MCC: variants seen among roughly 807,000 people sequenced by gnomAD.
MCC encodes MCC regulator of Wnt signaling pathway.
MCC carries 90 observed loss-of-function variants against 116.2 expected under a neutral mutation model. The ratio of observed to expected loss-of-function variants is 0.77; its 90% CI spans 0.65 to 0.92. MCC has a LOEUF of 0.92. MCC is among the 40% of genes least tolerant of loss of function. The pLI is 0.00. For missense variants in MCC, 1,516 were observed against 1,312.2 expected (o/e 1.16, Z -2.40); for synonymous variants, 578 against 510.5 (o/e 1.13, Z -1.78).
chr5:113,297,205 C>G (rs1410261483), intron 3 of MCC, among the ~76,000 whole-genome samples: 2 of 152,118 alleles, frequency 1.3e-5, no homozygotes, highest in African/African-American at 4.8e-5. Flanking sequence ...TTAAAAGGGC[C>G]TGAATTAAGA....
chr5:113,232,165 A>C (rs1375318041), intron 3 of MCC, among the ~76,000 whole-genome samples: 1 of 152,218 alleles, frequency 6.6e-6, no homozygotes, highest in South Asian at 2.1e-4. Context: ...GAATTTTCTA[A>C]ACTCCAGGGG....
At chr5:113,057,946 C>T (rs1412421145) in intron 14 of MCC, among the ~76,000 whole-genome samples, 1 of 152,256 alleles carries the variant, frequency 6.6e-6, no homozygotes, top group Non-Finnish European at 1.5e-5. Flanking sequence ...GACAGCAGCA[C>T]TTCTCTTCCA....
chr5:113,245,144 C>A (rs1339719318), intron 3 of MCC, among the ~76,000 whole-genome samples: 1 of 152,016 alleles, frequency 6.6e-6, no homozygotes, highest in Non-Finnish European at 1.5e-5. Flanking sequence ...ATAAAATTAG[C>A]CGGGCGTGGT....
chr5:113,480,887 T>TC (rs1427260964), intron 1 of MCC, among the ~76,000 whole-genome samples: 1 of 152,116 alleles, frequency 6.6e-6, no homozygotes, highest in Non-Finnish European at 1.5e-5. Flanking sequence ...TGATCCTCCC[T>TC]CCTCAGCCTC....
At chr5:113,212,116 G>C (rs1357553411) in intron 3 of MCC, among the ~76,000 whole-genome samples, 1 of 152,068 alleles carries the variant, frequency 6.6e-6, no homozygotes, top group Non-Finnish European at 1.5e-5. Context: ...AAAACTAATG[G>C]CTGTTTGATA....
chr5:113,328,864 T>A (rs1042193381), intron 3 of MCC, among the ~76,000 whole-genome samples: 1 of 152,166 alleles, frequency 6.6e-6, no homozygotes, highest in Non-Finnish European at 1.5e-5. Context: ...CAGGAACCCA[T>A]GTCCAGTTCA....
At chr5:113,447,868 A>G (rs1052052522) in intron 1 of MCC, among the ~76,000 whole-genome samples, 1 of 151,816 alleles carries the variant, frequency 6.6e-6, no homozygotes, top group East Asian at 1.9e-4. Flanking sequence ...GAGCATTTTG[A>G]GACAAAGGTC....
chr5:113,086,272 C>A (rs1199731624), intron 8 of MCC, among the ~76,000 whole-genome samples: 2 of 151,112 alleles, frequency 1.3e-5, no homozygotes, highest in African/African-American at 4.9e-5. Flanking sequence ...TAAAGGAGAA[C>A]AAGTGAGGAG....
intron 6 of MCC, among the ~76,000 whole-genome samples, chr5:113,122,027 A>G (rs981116755): frequency 6.6e-6 from 1 of 152,232 alleles, no homozygotes; most frequent in African/African-American, 2.4e-5. Flanking sequence ...CAAGAAACAA[A>G]TTTCATGAAA....
intron 3 of MCC, among the ~76,000 whole-genome samples, chr5:113,304,169 C>G (rs961021897): frequency 6.6e-6 from 1 of 152,112 alleles, no homozygotes; most frequent in Admixed American, 6.5e-5. Context: ...GAAGTCTGTC[C>G]CATCATGGCC....
At chr5:113,105,824 ACTGT>A (rs1214860332) in intron 6 of MCC, among the ~76,000 whole-genome samples, 4 of 152,196 alleles carry the variant, frequency 2.6e-5, no homozygotes, top group African/African-American at 9.7e-5. Flanking sequence ...CCTAGTTCAA[ACTGT>A]CTAATGGCTT....
intron 1 of MCC, among the ~76,000 whole-genome samples, chr5:113,397,507 G>A (rs1010807805): frequency 2.6e-5 from 4 of 151,970 alleles, no homozygotes; most frequent in Non-Finnish European, 2.9e-5. Context: ...AACATTTTAA[G>A]TCACCTAATT....
intron 3 of MCC, among the ~76,000 whole-genome samples, chr5:113,173,038 T>C (rs1761153730): frequency 6.6e-6 from 1 of 152,218 alleles, no homozygotes; most frequent in African/African-American, 2.4e-5. Flanking sequence ...GTTTGATGTA[T>C]ATAACAGATA....
At chr5:113,414,425 G>A (rs2150404212) in intron 1 of MCC, among the ~76,000 whole-genome samples, 1 of 152,260 alleles carries the variant, frequency 6.6e-6, no homozygotes, top group East Asian at 1.9e-4. Flanking sequence ...AGGTCTCTAA[G>A]GACTTGCTTT....
chr5:113,382,270 CTTTTT>C (rs112153904), intron 2 of MCC, among the ~76,000 whole-genome samples: 1 of 136,228 alleles, frequency 7.3e-6, no homozygotes. Flanking sequence ...AATTATTGTC[CTTTTT>C]TTTTTTTTTT....
intron 3 of MCC, among the ~76,000 whole-genome samples, chr5:113,304,229 G>T (rs535312405): frequency 1.3e-5 from 2 of 152,292 alleles, no homozygotes; most frequent in South Asian, 4.2e-4. Context: ...TTTAGACCCA[G>T]TGACTTACCA....
At chr5:113,418,234 T>G (rs1195408345) in intron 1 of MCC, among the ~76,000 whole-genome samples, 2 of 151,494 alleles carry the variant, frequency 1.3e-5, no homozygotes, top group Non-Finnish European at 2.9e-5. Flanking sequence ...GTACACGTTG[T>G]GCACATGTAC....
intron 3 of MCC, among the ~76,000 whole-genome samples, chr5:113,176,559 C>T (rs1395647941): frequency 6.6e-6 from 1 of 152,222 alleles, no homozygotes; most frequent in African/African-American, 2.4e-5. Context: ...GTACCACCAG[C>T]TGCTGACCAC....
chr5:113,293,550 G>A (rs1766592282), intron 3 of MCC, among the ~76,000 whole-genome samples: 1 of 152,100 alleles, frequency 6.6e-6, no homozygotes, highest in Non-Finnish European at 1.5e-5. Context: ...GGTATTCAAA[G>A]CTTTGAGGGA....
Sources: gnomAD v4.1 joint callset for allele counts (sites outside exome capture counted in the v4.1 genomes callset) on GRCh38, gnomAD v4.1.1 for gene constraint, MANE v1.5 for transcripts, NCBI Gene and HGNC (gene_info 2026-07-23, HGNC 2026-07-21) for gene names.